TNRC6A: variants seen among roughly 807,000 people sequenced by gnomAD.
TNRC6A encodes trinucleotide repeat-containing gene 6A protein.
In TNRC6A, 44 loss-of-function variants were observed where a neutral mutation model predicts 221.2. The observed-to-expected ratio is 0.20, with a 90% CI of 0.16 to 0.26. The LOEUF is 0.26. TNRC6A is among the 10% of genes least tolerant of loss of function. The pLI, the probability that TNRC6A is intolerant of heterozygous loss-of-function variation, is 1.00. For synonymous variants in TNRC6A, 847 were observed against 838.5 expected, an observed-to-expected ratio of 1.01 and a Z score of -0.18; for missense variants, 2,199 against 2,404.4, an observed-to-expected ratio of 0.91 and a Z score of 1.79.
In TNRC6A at chr16:24,791,145, A is replaced by T; in HGVS notation, c.2503A>T (p.Asn835Tyr). 3 of 1,614,114 alleles carry T rather than the reference A, an allele frequency of 1.9e-6. No homozygotes were observed. In the African/African-American group the frequency reaches 4.0e-5, roughly 22 times the overall value. The part of the protein sequence containing the change: ...EKAAWNDSQK[N>Y]KQGWGDGQKS... Reference sequence around the variant, plus strand: ...GGCTGCATGGAATGACTCGCAAAAGAATAAACAGGGATGGGGTGATGGACA... The same window carrying T: ...GGCTGCATGGAATGACTCGCAAAAGTATAAACAGGGATGGGGTGATGGACA... The change falls in exon 6 of 25, where the codon AAT becomes TAT. Residue 835 changes from asparagine (N) to tyrosine (Y), a missense_variant. Transcript: ENST00000395799.
chr16:24,806,438 G>A, intron 16 of TNRC6A, 136 bp from the exon 17 acceptor site: 1 of 1,359,434 alleles, frequency 7.4e-7, no homozygotes, highest in Non-Finnish European at 1.0e-6. Context: ...TTGCCCATGA[G>A]TTATGTGAAC....
chr16:24,815,378 A>G (rs2058635265), intron 19 of TNRC6A, 73 bp downstream of exon 19: 2 of 1,524,424 alleles, frequency 1.3e-6, no homozygotes, highest in Non-Finnish European at 9.0e-7. Flanking sequence ...TGGACTTACT[A>G]CTGATGTAGC....
At chr16:24,704,433 C>T (rs2056051252) in intron 2 of TNRC6A, among the ~76,000 whole-genome samples, 1 of 151,938 alleles carries the variant, frequency 6.6e-6, no homozygotes, top group African/African-American at 2.4e-5. Context: ...TAATCCAGCA[C>T]TTTGGGAGGC....
At chr16:24,754,405 C>T (rs1314933565) in intron 3 of TNRC6A, among the ~76,000 whole-genome samples, 3 of 151,934 alleles carry the variant, frequency 2.0e-5, no homozygotes, top group Non-Finnish European at 4.4e-5. Flanking sequence ...ATATGGAGAC[C>T]GATGACTTTT....
rs1432357929 is a variant in TNRC6A, at chr16:24,777,077, AGCC to A, written c.311_313del (p.Pro104del). ...CCACAGCAGCAGCAGCAACAGCAGC[AGCC>A]GCAGCAGCAGCAGCCACAGCAGCAG... is the stretch of plus-strand genomic sequence containing the variant. On this transcript the variant is annotated inframe_deletion, in exon 5 of 25. Coordinates refer to ENST00000395799, the MANE Select transcript of TNRC6A (RefSeq NM_014494.4). 2 of 1,605,340 alleles carry A rather than the reference AGCC, an allele frequency of 1.2e-6. No homozygotes were observed. Among genetic ancestry groups the A allele is most frequent in the African/African-American group, 1.3e-5 (1 of 74,116 alleles).
intron 1 of TNRC6A, among the ~76,000 whole-genome samples, chr16:24,633,344 A>T (rs1433135701): frequency 6.6e-6 from 1 of 152,154 alleles, no homozygotes; most frequent in Non-Finnish European, 1.5e-5. Flanking sequence ...TTATTTCCTT[A>T]CAGCATCACT....
At chr16:24,752,215 C>T (rs2057152758) in intron 3 of TNRC6A, among the ~76,000 whole-genome samples, 1 of 152,036 alleles carries the variant, frequency 6.6e-6, no homozygotes. Flanking sequence ...TAAAGTAATC[C>T]ACAGAATTTG....
intron 1 of TNRC6A, among the ~76,000 whole-genome samples, chr16:24,616,325 C>CAAAAAA (rs397855433): frequency 6.8e-5 from 5 of 74,040 alleles, no homozygotes; most frequent in Non-Finnish European, 5.3e-5. Flanking sequence ...GATGCTGTCT[C>CAAAAAA]AAAAAAAAAA....
At chr16:24,766,674 C>CTTTTTTTTT (rs397972605) in intron 4 of TNRC6A, among the ~76,000 whole-genome samples, 4 of 121,410 alleles carry the variant, frequency 3.3e-5, no homozygotes, top group East Asian at 2.4e-4. Flanking sequence ...TTCTTTTTAT[C>CTTTTTTTTT]TTTTTTTTTT....
upstream of TNRC6A, among the ~76,000 whole-genome samples, chr16:24,726,634 T>C (rs1004742690): frequency 1.3e-5 from 2 of 152,140 alleles, no homozygotes; most frequent in Non-Finnish European, 2.9e-5. Context: ...TGGAAGGTGC[T>C]TGTGTTGAAC....
intron 4 of TNRC6A, among the ~76,000 whole-genome samples, chr16:24,773,464 A>C (rs796077652): frequency 2.0e-5 from 3 of 152,116 alleles, no homozygotes; most frequent in Admixed American, 6.5e-5. Flanking sequence ...AGAAATATCC[A>C]CTGTATTATT....
In TNRC6A at chr16:24,805,435, C is replaced by T. The variant is rs2151986249; in HGVS notation, c.4123-170C>T. ...CACCTCTGTCATCTTTTACTTAACC[C>T]ACGAAAAAGTGTAAGTGAGTGGTCA... On this transcript the variant is annotated intron_variant, in intron 14 of 24. Coordinates refer to ENST00000395799, the MANE Select transcript of TNRC6A (RefSeq NM_014494.4). The T allele has an allele frequency of 6.8e-6, 7 of 1,023,646 alleles. No homozygotes were observed. In the East Asian group the frequency reaches 1.3e-4, roughly 19 times the overall value. 63.4% of individuals were successfully genotyped at this position (1,023,646 alleles called of 1,614,324 possible). A position where few individuals can be genotyped will look rare whatever the true frequency, so the allele number is the denominator to read the frequency against.
At chr16:24,632,263 C>T (rs1036590275) in intron 1 of TNRC6A, among the ~76,000 whole-genome samples, 2 of 152,176 alleles carry the variant, frequency 1.3e-5, no homozygotes, top group African/African-American at 4.8e-5. Context: ...GTTTATTGAA[C>T]AGACATCTCA....
At chr16:24,613,097 CAG>C (rs1200581605) in intron 1 of TNRC6A, among the ~76,000 whole-genome samples, 2 of 105,328 alleles carry the variant, frequency 1.9e-5, no homozygotes, top group Non-Finnish European at 3.4e-5. Flanking sequence ...ACCTGGGTGA[CAG>C]AGTGAGACTC....
intron 2 of TNRC6A, among the ~76,000 whole-genome samples, chr16:24,702,892 G>A (rs1479683306): frequency 3.9e-5 from 6 of 151,966 alleles, no homozygotes; most frequent in Non-Finnish European, 5.9e-5. Context: ...AAAATTAGCT[G>A]AGCGTGGTGG....
chr16:24,671,090 G>A (rs986524456), intron 2 of TNRC6A: 10 of 282,138 alleles, frequency 3.5e-5, no homozygotes, highest in Non-Finnish European at 7.0e-5. Flanking sequence ...GACAGCCTCC[G>A]CGCCAAGGTC....
intron 4 of TNRC6A, among the ~76,000 whole-genome samples, chr16:24,762,328 CTATT>C (rs960067287): frequency 2.6e-5 from 4 of 152,234 alleles, no homozygotes; most frequent in Admixed American, 6.5e-5. Flanking sequence ...TATTCACTAT[CTATT>C]AAGTCAGCTG....
At chr16:24,747,150 A>G (rs2151368068) in intron 2 of TNRC6A, among the ~76,000 whole-genome samples, 1 of 152,324 alleles carries the variant, frequency 6.6e-6, no homozygotes, top group African/African-American at 2.4e-5. Flanking sequence ...TATGAAACCA[A>G]CTTTAAAATA....
At chr16:24,686,998 CCT>C (rs1230242757) in intron 2 of TNRC6A, among the ~76,000 whole-genome samples, 1 of 152,130 alleles carries the variant, frequency 6.6e-6, no homozygotes, top group Non-Finnish European at 1.5e-5. Flanking sequence ...AGTTACTTAT[CCT>C]GTCTGTTAAA....
Sources: allele counts gnomAD v4.1 joint callset (sites outside exome capture counted in the v4.1 genomes callset), GRCh38; gene constraint gnomAD v4.1.1; transcripts MANE v1.5; gene names NCBI Gene and HGNC (gene_info 2026-07-23, HGNC 2026-07-21).